ITGA2: variants seen among roughly 807,000 people sequenced by gnomAD.
The protein encoded by ITGA2 is integrin alpha-2.
ITGA2 carries 101 observed loss-of-function variants against 146.3 expected under a neutral mutation model. The ratio of observed to expected loss-of-function variants is 0.69; its 90% CI spans 0.59 to 0.81. The LOEUF (loss-of-function observed/expected upper bound fraction) is 0.81. Among genes scored for constraint, ITGA2 ranks in the 40% least tolerant of loss-of-function variants. The pLI, the probability that ITGA2 is intolerant of heterozygous loss-of-function variation, is 0.00. For synonymous variants in ITGA2, 477 were observed against 487.1 expected (o/e 0.98, Z 0.27); for missense variants, 1,281 against 1,402.7 (o/e 0.91, Z 1.39).
chr5:52,996,058 A>T (rs2111668227), intron 1 of ITGA2, among the ~76,000 whole-genome samples: 1 of 152,296 alleles, frequency 6.6e-6, no homozygotes, highest in Non-Finnish European at 1.5e-5. Flanking sequence ...AGAAATCAGA[A>T]CAGAGCGGCC....
At position 53,030,832 on chromosome 5, in the gene ITGA2, C is replaced by G. The variant is rs146095620; in HGVS notation, c.185+3964C>G. 3.7e-3 allele frequency among the ~76,000 whole-genome samples: 559 copies of G among 152,338 alleles called. 6 individuals carry two copies. Among genetic ancestry groups the G allele is most frequent in the African/African-American group, 0.013 (525 of 41,582 alleles). On this transcript the variant is annotated intron_variant, in intron 2 of 29. Coordinates refer to ENST00000296585, the MANE Select transcript of ITGA2 (RefSeq NM_002203.4). ...TGGTGTTTGTTTTCTTTCAGTGTCA[C>G]TAGCTATAATAACTTAAGAGCTCAT...
chr5:53,025,508 G>A (rs1051168349), intron 1 of ITGA2, among the ~76,000 whole-genome samples: 2 of 152,114 alleles, frequency 1.3e-5, no homozygotes, highest in African/African-American at 4.8e-5. Flanking sequence ...ACTTACAGAG[G>A]GACGTTAACT....
At position 53,081,655 on chromosome 5, in the gene ITGA2, G is replaced by A. The variant is rs1292930609; in HGVS notation, c.3103G>A (p.Val1035Ile). The A allele has an allele frequency of 1.2e-6, 2 of 1,613,152 alleles. No individual in the cohort carries two copies. Among genetic ancestry groups the A allele is most frequent in the East Asian group, 2.2e-5 (1 of 44,768 alleles). Residue 1035 changes from valine (V) to isoleucine (I), a missense_variant, in exon 26 of 30, where the codon GTA becomes ATA. Val to Ile is a conservative substitution (Grantham distance 29). Coordinates refer to ENST00000296585, the MANE Select transcript of ITGA2 (RefSeq NM_002203.4). ...GAAAATAGGACAAACATCTTCTTCT[G>A]TATCTTTCAAAAGTGAAAATTTCAG... is the stretch of plus-strand genomic sequence containing the variant. ...PLKIGQTSSS[V>I]SFKSENFRHT...
At chr5:53,062,661 C>A in intron 12 of ITGA2, 125 bp from the exon 13 acceptor site, 1 of 981,510 alleles carries the variant, frequency 1.0e-6, no homozygotes, top group Non-Finnish European at 1.6e-6. Flanking sequence ...TCTTCATGTT[C>A]CAAGCACTTT....
At position 53,091,692 on chromosome 5, in the gene ITGA2, A is replaced by G. The variant is rs985905122; in HGVS notation, c.*1093A>G. 6.6e-6 allele frequency: 1 copy of G among 152,164 alleles called. No individual in the cohort carries two copies. Among genetic ancestry groups the G allele is most frequent in the African/African-American group, 2.4e-5 (1 of 41,424 alleles). The allele number at this position is 152,164 out of a possible 1,614,324, so 9.4% of individuals were successfully genotyped here. ...TGCTGTGCATTAGATATTAGGGGGG[A>G]AAGTCATCTGTTTAATTTACACACT... On this transcript the variant is annotated 3_prime_UTR_variant, in exon 30 of 30. Transcript: ENST00000296585.
chr5:53,002,402 A>G (rs1741626894), intron 1 of ITGA2, among the ~76,000 whole-genome samples: 1 of 152,144 alleles, frequency 6.6e-6, no homozygotes, highest in Non-Finnish European at 1.5e-5. Context: ...AAAATAATTA[A>G]CAGAAAAAAT....
chr5:53,002,789 G>A (rs2111703463), intron 1 of ITGA2, among the ~76,000 whole-genome samples: 1 of 152,230 alleles, frequency 6.6e-6, no homozygotes, highest in South Asian at 2.1e-4. Flanking sequence ...GTAGCCATCT[G>A]TAATGTGGAA....
At chr5:53,060,057 C>T in intron 11 of ITGA2, 45 bp downstream of exon 11, 1 of 1,596,994 alleles carries the variant, frequency 6.3e-7, no homozygotes, top group Admixed American at 1.7e-5. Flanking sequence ...AGTTCCCTTG[C>T]TTTAAACCAG....
chr5:53,062,997 A>T, intron 13 of ITGA2, 68 bp downstream of exon 13: 1 of 1,291,448 alleles, frequency 7.7e-7, no homozygotes, highest in African/African-American at 1.5e-5. Context: ...TGCATTTGGA[A>T]AGAAAAATTT....
At chr5:53,034,328 AC>A (rs1272197477) in intron 2 of ITGA2, among the ~76,000 whole-genome samples, 1 of 150,532 alleles carries the variant, frequency 6.6e-6, no homozygotes, top group East Asian at 2.0e-4. Context: ...AACAATGACA[AC>A]CCCCCAAGAG....
intron 17 of ITGA2, 73 bp from the exon 18 acceptor site, chr5:53,071,865 T>G: frequency 9.7e-7 from 1 of 1,028,990 alleles, no homozygotes; most frequent in Non-Finnish European, 1.5e-6. Flanking sequence ...AATCATTTTC[T>G]TGTTTTAATG....
In ITGA2 at chr5:53,006,497, A is replaced by AAGAGG. The variant is rs369564283; in HGVS notation, c.64+16967_64+16971dup. 1.3e-4 allele frequency among the ~76,000 whole-genome samples: 20 copies of AAGAGG among 152,340 alleles called. No individual in the cohort carries two copies. In the East Asian group the frequency reaches 3.3e-3, roughly 25 times the overall value. ...TATACCTGCACAGTAGCCTGCATTCAAGAGGATTTATTAGTTAATTAAACT... is the reference window on the plus strand; with the variant it reads ...TATACCTGCACAGTAGCCTGCATTCAAGAGGAGAGGATTTATTAGTTAATTAAACT... On this transcript the variant is annotated intron_variant, in intron 1 of 29. Coordinates refer to ENST00000296585, the MANE Select transcript of ITGA2 (RefSeq NM_002203.4).
intron 27 of ITGA2, among the ~76,000 whole-genome samples, chr5:53,086,635 A>C (rs988465779): frequency 3.9e-5 from 6 of 152,136 alleles, no homozygotes; most frequent in African/African-American, 1.4e-4. Flanking sequence ...TTAAATCCTC[A>C]CTTTTCAACC....
At chr5:53,090,420 C>T in intron 29 of ITGA2, 99 bp from the exon 30 acceptor site, 1 of 946,110 alleles carries the variant, frequency 1.1e-6, no homozygotes, top group Non-Finnish European at 1.7e-6. Flanking sequence ...CTCAGGGATT[C>T]CCAGAGGTGC....
At chr5:53,039,851 T>C (rs967822090) in intron 2 of ITGA2, among the ~76,000 whole-genome samples, 13 of 152,120 alleles carry the variant, frequency 8.5e-5, no homozygotes, top group African/African-American at 3.1e-4. Flanking sequence ...TGCTTGTTCA[T>C]TTGCTGTTGT....
chr5:52,996,220 A>AT (rs775645669), intron 1 of ITGA2, among the ~76,000 whole-genome samples: 11 of 151,940 alleles, frequency 7.2e-5, no homozygotes, highest in African/African-American at 2.7e-4. Context: ...TTATAAGGAG[A>AT]TTTTTTATTT....
intron 1 of ITGA2, among the ~76,000 whole-genome samples, chr5:53,005,463 T>C (rs900277086): frequency 2.6e-5 from 4 of 151,556 alleles, no homozygotes; most frequent in African/African-American, 9.7e-5. Flanking sequence ...GTGCCTGTAA[T>C]CCCAGCTAAC....
chr5:53,020,599 CCTT>C (rs1432023456), intron 1 of ITGA2, among the ~76,000 whole-genome samples: 6 of 151,854 alleles, frequency 4.0e-5, no homozygotes, highest in Non-Finnish European at 8.8e-5. Context: ...TGCTTATAGT[CCTT>C]CTAGTCCAGG....
chr5:53,004,894 G>GTTTTTTTTTTTTTT (rs548541753), intron 1 of ITGA2, among the ~76,000 whole-genome samples: 2 of 55,946 alleles, frequency 3.6e-5, no homozygotes, highest in Admixed American at 2.7e-4. Context: ...TAGTTGCTTT[G>GTTTTTTTTTTTTTT]TTTTTTTTTT....
Sources: allele counts gnomAD v4.1 joint callset (sites outside exome capture counted in the v4.1 genomes callset), GRCh38; gene constraint gnomAD v4.1.1; transcripts MANE v1.5; gene names NCBI Gene and HGNC (gene_info 2026-07-23, HGNC 2026-07-21).